Variants in GLTP observed in about 807,000 individuals in gnomAD.
GLTP encodes the protein glycolipid transfer protein.
In GLTP, 22 loss-of-function variants were observed where a neutral mutation model predicts 24.0. The observed-to-expected ratio is 0.92, with a 90% CI of 0.65 to 1.31. The LOEUF (loss-of-function observed/expected upper bound fraction) is 1.31, where lower values mean the gene tolerates loss of function less well. Among genes scored for constraint, GLTP ranks in the 50% most tolerant of loss-of-function variants. The probability of loss-of-function intolerance (pLI) is 0.00; values close to 1 mark genes in which losing one functional copy is unlikely to be tolerated. For synonymous variants in GLTP, 92 were observed against 115.9 expected (o/e 0.79, Z 1.33); for missense variants, 224 against 276.6 (o/e 0.81, Z 1.35).
intron 1 of GLTP, among the ~76,000 whole-genome samples, chr12:109,868,565 A>C (rs2136047525): frequency 6.6e-6 from 1 of 152,354 alleles, no homozygotes; most frequent in East Asian, 1.9e-4. Flanking sequence ...TTAAAGATGC[A>C]CAGCTTGCTT....
intron 4 of GLTP, among the ~76,000 whole-genome samples, chr12:109,853,941 A>G (rs1284051683): frequency 6.6e-6 from 1 of 150,580 alleles, no homozygotes; most frequent in Non-Finnish European, 1.5e-5. Context: ...ATGGTGTTTT[A>G]CTATATTGGC....
chr12:109,866,159 C>T (rs2136046452), intron 1 of GLTP: 1 of 151,914 alleles, frequency 6.6e-6, no homozygotes, highest in East Asian at 1.9e-4. Context: ...TGAAAAGATG[C>T]TTAATCTCAA....
intron 1 of GLTP, among the ~76,000 whole-genome samples, chr12:109,867,689 T>C (rs149296409): frequency 6.6e-6 from 1 of 152,128 alleles, no homozygotes; most frequent in African/African-American, 2.4e-5. Context: ...CACTAATTTC[T>C]CTTTTTTCTT....
intron 1 of GLTP, among the ~76,000 whole-genome samples, chr12:109,859,611 T>A (rs552648455): frequency 0.03 from 4,514 of 149,884 alleles, 227 homozygotes; most frequent in African/African-American, 0.1. Context: ...AAGATTTTTT[T>A]TAAAAAAAAG....
At chr12:109,859,891 C>T (rs75082686) in intron 1 of GLTP, 5,542 of 152,190 alleles carry the variant, frequency 0.036, 233 homozygotes, top group African/African-American at 0.11. Flanking sequence ...GTGCAAATCT[C>T]GTATATTTAT....
At chr12:109,859,017 A>T (rs1399490581) in intron 1 of GLTP, among the ~76,000 whole-genome samples, 1 of 152,206 alleles carries the variant, frequency 6.6e-6, no homozygotes. Context: ...TAAGACACAC[A>T]TTTGATTCAT....
intron 1 of GLTP, among the ~76,000 whole-genome samples, chr12:109,869,303 CAAAAA>C (rs140914540): frequency 4.1e-5 from 2 of 49,048 alleles, no homozygotes; most frequent in Admixed American, 5.9e-4. Flanking sequence ...GGCTCTACCT[CAAAAA>C]AAAAAAAAAA....
In GLTP at chr12:109,864,923, A is replaced by G. The variant is rs1036105396; in HGVS notation, c.104-6182T>C. Among the ~76,000 whole-genome samples the G allele has an allele frequency of 4.6e-5, 7 of 152,250 alleles. No homozygotes were observed. In the East Asian group the frequency reaches 1.2e-3, roughly 25 times the overall value. On this transcript the variant is annotated intron_variant, in intron 1 of 4. Coordinates refer to ENST00000318348, the MANE Select transcript of GLTP (RefSeq NM_016433.4). Reference sequence around the variant, plus strand: ...GAGTGCAGTGGCGCAATCTAGGCTCACTGCAACCTCCACCTCCCGGGTTCA... The same window carrying G: ...GAGTGCAGTGGCGCAATCTAGGCTCGCTGCAACCTCCACCTCCCGGGTTCA...
rs1403190625 is a variant in GLTP, at chr12:109,857,565, G to A, written c.257C>T (p.Pro86Leu). The A allele has an allele frequency of 1.9e-6, 3 of 1,613,856 alleles. No homozygotes were observed. In the Admixed American group the frequency reaches 5.0e-5, roughly 27 times the overall value. ...CAGCGCCAGTGTGGCCCCTACTTTG[G>A]GCCACTCTGCTCCATACATTTCTTT... is the stretch of plus-strand genomic sequence containing the variant. The part of the protein sequence containing the change: ...VEKEMYGAEW[P>L]KVGATLALMW... The change falls in exon 3 of 5, where the codon CCC (proline) becomes CTC (leucine). Residue 86 changes from proline to leucine, a missense_variant. By Grantham distance (98) the Pro-to-Leu change is moderately conservative (BLOSUM62 -3). Coordinates refer to ENST00000318348, the MANE Select transcript of GLTP (RefSeq NM_016433.4). This position sits in a 1 kb window ranked among gnomAD's most constrained non-coding sequence, Gnocchi z 4.3.
At chr12:109,871,683 A>G (rs1565900368) in intron 1 of GLTP, among the ~76,000 whole-genome samples, 1 of 152,258 alleles carries the variant, frequency 6.6e-6, no homozygotes, top group Non-Finnish European at 1.5e-5. Context: ...CATGAGGATT[A>G]GAAATGAGTT....
In GLTP at chr12:109,851,417, G is replaced by A. The variant is rs998381792; in HGVS notation, c.*1138C>T. Reference sequence around the variant, plus strand: ...AAACAAACAAAAAAATCTGTCTAGCGAGACAGAAAGAGCAGGGTTTACAAT... The same window carrying A: ...AAACAAACAAAAAAATCTGTCTAGCAAGACAGAAAGAGCAGGGTTTACAAT... On this transcript the variant is annotated 3_prime_UTR_variant, in exon 5 of 5. Coordinates refer to ENST00000318348, the MANE Select transcript of GLTP (RefSeq NM_016433.4). The A allele has an allele frequency of 6.6e-6, 1 of 152,112 alleles. No homozygotes were observed. Among genetic ancestry groups the A allele is most frequent in the Non-Finnish European group, 1.5e-5 (1 of 68,032 alleles). The allele number at this position is 152,112 out of a possible 1,614,324, so 9.4% of individuals were successfully genotyped here. A position where few individuals can be genotyped will look rare whatever the true frequency, so the allele number is the denominator to read the frequency against.
intron 1 of GLTP, among the ~76,000 whole-genome samples, chr12:109,874,991 G>A (rs775849894): frequency 1.3e-5 from 2 of 152,024 alleles, no homozygotes; most frequent in Non-Finnish European, 1.5e-5. Flanking sequence ...TCCAACTCCT[G>A]ACCTCAGGTG....
intron 1 of GLTP, among the ~76,000 whole-genome samples, chr12:109,865,406 C>T (rs1284896074): frequency 3.3e-5 from 5 of 152,078 alleles, no homozygotes; most frequent in Admixed American, 1.3e-4. Context: ...GCGGGCGGAT[C>T]ACCTGAGATC....
chr12:109,876,641 AAAG>A (rs1401968709), intron 1 of GLTP, among the ~76,000 whole-genome samples: 1 of 149,320 alleles, frequency 6.7e-6, no homozygotes, highest in African/African-American at 2.5e-5. Flanking sequence ...GGAAGAAAAG[AAAG>A]AAGGAAAGGA....
chr12:109,872,286 G>C (rs1868741847), intron 1 of GLTP, among the ~76,000 whole-genome samples: 1 of 152,210 alleles, frequency 6.6e-6, no homozygotes, highest in Admixed American at 6.5e-5. Context: ...GATGGCCCTA[G>C]ACCTTTAGGA....
chr12:109,857,114 C>T lies in GLTP; in HGVS notation c.296+412G>A, dbSNP rs547284183. ...TCATAACATACAAATCCACTTTGTA[C>T]GCGTGACCAGCCCTAAACAGGACAC... On this transcript the variant is annotated intron_variant, in intron 3 of 4. Coordinates refer to ENST00000318348, the MANE Select transcript of GLTP (RefSeq NM_016433.4). This position sits in a 1 kb window ranked among gnomAD's most constrained non-coding sequence, Gnocchi z 4.3. 6.6e-6 allele frequency among the ~76,000 whole-genome samples: 1 copy of T among 152,220 alleles called. No homozygotes were observed. Among genetic ancestry groups the T allele is most frequent in the Non-Finnish European group, 1.5e-5 (1 of 68,042 alleles).
At chr12:109,863,499 A>G (rs1380046867) in intron 1 of GLTP, among the ~76,000 whole-genome samples, 1 of 152,178 alleles carries the variant, frequency 6.6e-6, no homozygotes, top group Admixed American at 6.5e-5. Context: ...GAATGAATGA[A>G]TGAGTGAATG....
At chr12:109,879,690 G>C (rs186094163) in intron 1 of GLTP, among the ~76,000 whole-genome samples, 1 of 152,244 alleles carries the variant, frequency 6.6e-6, no homozygotes, top group East Asian at 1.9e-4. Context: ...CCCTCTCCTT[G>C]TCCCCGCCTC....
intron 1 of GLTP, among the ~76,000 whole-genome samples, chr12:109,873,986 G>A (rs1024855728): frequency 2.0e-5 from 3 of 152,210 alleles, no homozygotes; most frequent in African/African-American, 7.2e-5. Flanking sequence ...CTGCATGTCT[G>A]GTCTGTGGCA....
Sources: gnomAD v4.1 joint callset for allele counts (sites outside exome capture counted in the v4.1 genomes callset) on GRCh38, gnomAD v4.1.1 for gene constraint, Gnocchi (gnomAD v3.1) non-coding constraint, MANE v1.5 for transcripts, NCBI Gene and HGNC (gene_info 2026-07-23, HGNC 2026-07-21) for gene names.